ARB2A: variants seen among roughly 807,000 people sequenced by gnomAD.
ARB2A encodes cotranscriptional regulator ARB2A.
the ARB2A span, among the ~76,000 whole-genome samples, chr5:93,840,460 T>C: frequency 6.6e-6 from 1 of 152,162 alleles, no homozygotes; most frequent in Non-Finnish European, 1.5e-5. Context: ...CACCACAATG[T>C]CTATTCTTTC....
the ARB2A span, among the ~76,000 whole-genome samples, chr5:93,840,829 T>C: frequency 1.3e-5 from 2 of 152,286 alleles, no homozygotes; most frequent in Admixed American, 6.5e-5. Flanking sequence ...TCTGTGTGGT[T>C]CTAGTGTTTG....
the ARB2A span, among the ~76,000 whole-genome samples, chr5:93,996,228 C>G: frequency 1.3e-5 from 2 of 152,050 alleles, no homozygotes. Flanking sequence ...CACATACATA[C>G]ACATGCACAA....
the ARB2A span, among the ~76,000 whole-genome samples, chr5:93,940,567 A>G: frequency 1.3e-5 from 2 of 152,012 alleles, no homozygotes; most frequent in African/African-American, 2.4e-5. Flanking sequence ...AATTCCTTCT[A>G]TTTACATCAA....
At chr5:94,057,078 C>T in the ARB2A span, among the ~76,000 whole-genome samples, 1 of 152,328 alleles carries the variant, frequency 6.6e-6, no homozygotes, top group Admixed American at 6.5e-5. Flanking sequence ...CTGGAACTCA[C>T]ACCATCAGCT....
chr5:93,767,784 G>A, the ARB2A span, among the ~76,000 whole-genome samples: 1 of 151,794 alleles, frequency 6.6e-6, no homozygotes, highest in African/African-American at 2.4e-5. Context: ...CACGAGGTCA[G>A]GAGATGGAGA....
the ARB2A span, chr5:93,620,810 T>G: frequency 1.3e-6 from 1 of 755,198 alleles, no homozygotes; most frequent in Non-Finnish European, 1.9e-6. Context: ...CCATATTGCT[T>G]TGACAGTTGC....
the ARB2A span, among the ~76,000 whole-genome samples, chr5:94,056,472 T>G: frequency 6.6e-6 from 1 of 152,188 alleles, no homozygotes; most frequent in African/African-American, 2.4e-5. Flanking sequence ...AAAGGCAGAT[T>G]ATGCAAAAAT....
chr5:93,985,614 G>A, the ARB2A span, among the ~76,000 whole-genome samples: 1 of 152,130 alleles, frequency 6.6e-6, no homozygotes, highest in Non-Finnish European at 1.5e-5. Context: ...TGGTGGAGAC[G>A]GGGTTTCGCC....
chr5:93,956,737 G>T, the ARB2A span, among the ~76,000 whole-genome samples: 1 of 150,212 alleles, frequency 6.7e-6, no homozygotes, highest in South Asian at 2.1e-4. Flanking sequence ...GTCTTCCTCT[G>T]CCTGCATCTT....
the ARB2A span, among the ~76,000 whole-genome samples, chr5:93,791,229 A>G: frequency 6.6e-6 from 1 of 152,248 alleles, no homozygotes; most frequent in African/African-American, 2.4e-5. Flanking sequence ...CAGTTTGCCC[A>G]GAACAGTCTT....
the ARB2A span, among the ~76,000 whole-genome samples, chr5:94,094,055 C>T: frequency 6.6e-6 from 1 of 152,192 alleles, no homozygotes; most frequent in Non-Finnish European, 1.5e-5. Context: ...CAGGCCCTCT[C>T]TATTTTCCAG....
the ARB2A span, among the ~76,000 whole-genome samples, chr5:93,963,635 G>A: frequency 6.6e-6 from 1 of 151,752 alleles, no homozygotes; most frequent in Admixed American, 6.6e-5. Flanking sequence ...TTTAAAACTC[G>A]TGCAACATTT....
chr5:93,790,408 A>G, the ARB2A span, among the ~76,000 whole-genome samples: 2 of 152,228 alleles, frequency 1.3e-5, no homozygotes, highest in Non-Finnish European at 2.9e-5. Context: ...ACTTTAAAAA[A>G]GGCACAGGCC....
chr5:93,737,808 T>C, the ARB2A span: 254 of 370,604 alleles, frequency 6.9e-4, 3 homozygotes, highest in South Asian at 5.0e-3. Context: ...AGTTGGGCAC[T>C]TACCTCATAC....
the ARB2A span, among the ~76,000 whole-genome samples, chr5:93,786,503 T>C: frequency 6.6e-6 from 1 of 152,244 alleles, no homozygotes; most frequent in African/African-American, 2.4e-5. Context: ...ATTTTATTAT[T>C]ACAGGTGAGG....
the ARB2A span, among the ~76,000 whole-genome samples, chr5:93,647,281 C>A: frequency 1.5e-3 from 221 of 152,164 alleles, 2 homozygotes; most frequent in South Asian, 2.5e-3. Context: ...AGCTAGAGTG[C>A]AATGGTGCAA....
the ARB2A span, among the ~76,000 whole-genome samples, chr5:94,015,745 A>C: frequency 1.0e-3 from 157 of 152,280 alleles, no homozygotes; most frequent in African/African-American, 3.1e-3. Context: ...ATTTGCTATA[A>C]GATTTTTTTT....
chr5:93,665,495 G>A, the ARB2A span, among the ~76,000 whole-genome samples: 2 of 152,172 alleles, frequency 1.3e-5, no homozygotes, highest in Non-Finnish European at 2.9e-5. Context: ...AAAGCATAAT[G>A]TAGAAGAAAG....
At chr5:93,975,234 G>C in the ARB2A span, among the ~76,000 whole-genome samples, 1 of 150,272 alleles carries the variant, frequency 6.7e-6, no homozygotes, top group Non-Finnish European at 1.5e-5. Flanking sequence ...GGAGAATCCT[G>C]TGAACCCGGG....
Sources: allele counts gnomAD v4.1 joint callset (sites outside exome capture counted in the v4.1 genomes callset), GRCh38; gene constraint gnomAD v4.1.1; transcripts MANE v1.5; gene names NCBI Gene and HGNC (gene_info 2026-07-23, HGNC 2026-07-21).